ZNF521: variants seen among roughly 807,000 people sequenced by gnomAD.
ZNF521 encodes zinc finger protein 521.
Under a neutral mutation model 105.5 loss-of-function variants are expected in ZNF521, and 14 were observed. The ratio of observed to expected loss-of-function variants is 0.13; its 90% confidence interval spans 0.09 to 0.21. The LOEUF is 0.21. ZNF521 is among the 10% of genes least tolerant of loss of function. The pLI is 1.00. For synonymous variants in ZNF521, 635 were observed against 606.0 expected (o/e 1.05, Z -0.70); for missense variants, 1,233 against 1,629.7 (o/e 0.76, Z 4.19).
At position 25,077,369 on chromosome 18, in the gene ZNF521, G is replaced by T. The variant is rs1005596450; in HGVS notation, c.3906+12096C>A. Among the ~76,000 whole-genome samples the T allele has an allele frequency of 3.3e-5, 5 of 152,324 alleles. No individual in the cohort carries two copies. In the South Asian group the frequency reaches 1.0e-3, roughly 32 times the overall value. On this transcript the variant is annotated intron_variant, in intron 7 of 7. Coordinates refer to ENST00000361524, the MANE Select transcript of ZNF521 (RefSeq NM_015461.3). ...GTGCTCTGCTACAAAGTCCAGGCCA[G>T]ACTGTCTCCTGTATTCCTTATAAAC...
rs765670116 is a variant in ZNF521 at position 25,322,130 on chromosome 18, T to A, written c.98A>T (p.Lys33Met). The A allele has an allele frequency of 2.5e-6, 4 of 1,614,250 alleles. No individual in the cohort carries two copies. The highest frequency in any genetic ancestry group is 3.4e-6 in the Non-Finnish European group (4 of 1,180,040). Residue 33 changes from lysine to methionine, a missense_variant, in exon 3 of 8, where the codon AAG becomes ATG. Lys to Met is a moderately conservative substitution (Grantham distance 95). Coordinates refer to ENST00000361524, the MANE Select transcript of ZNF521 (RefSeq NM_015461.3). ...CAACTCCTCCCCGTCTTCCGGCCTCTTCTTACAATCTAGTGCCTCTCCATC... is the reference window on the plus strand; with the variant it reads ...CAACTCCTCCCCGTCTTCCGGCCTCATCTTACAATCTAGTGCCTCTCCATC... The part of the protein sequence containing the change: ...TEDGEALDCK[K>M]RPEDGEELED...
intron 2 of ZNF521, among the ~76,000 whole-genome samples, chr18:25,326,001 A>C (rs759989800): frequency 1.3e-5 from 2 of 152,176 alleles, no homozygotes; most frequent in Non-Finnish European, 2.9e-5. Context: ...GCACTGGCTT[A>C]AAAGTGTTGG....
At chr18:25,187,719 G>A (rs574355650) in intron 5 of ZNF521, among the ~76,000 whole-genome samples, 3 of 152,246 alleles carry the variant, frequency 2.0e-5, no homozygotes, top group South Asian at 2.1e-4. Flanking sequence ...TGAGGACTTC[G>A]CAGCCTCTGC....
At chr18:25,325,200 G>C (rs567072088) in intron 2 of ZNF521, among the ~76,000 whole-genome samples, 1 of 151,794 alleles carries the variant, frequency 6.6e-6, no homozygotes, top group Non-Finnish European at 1.5e-5. Flanking sequence ...ACTCTTTTTT[G>C]CCCATTCAAA....
intron 3 of ZNF521, among the ~76,000 whole-genome samples, chr18:25,283,069 C>A (rs1910480649): frequency 6.6e-6 from 1 of 152,216 alleles, no homozygotes; most frequent in African/African-American, 2.4e-5. Context: ...GTACCTCTTT[C>A]TGTGTAATGG....
chr18:25,129,981 C>T (rs1042330754), intron 5 of ZNF521, among the ~76,000 whole-genome samples: 7 of 152,100 alleles, frequency 4.6e-5, no homozygotes, highest in Non-Finnish European at 1.0e-4. Flanking sequence ...CAATTGAGCT[C>T]CTAGGTATTT....
At chr18:25,079,199 A>C (rs2033434551) in intron 7 of ZNF521, among the ~76,000 whole-genome samples, 1 of 152,354 alleles carries the variant, frequency 6.6e-6, no homozygotes, top group East Asian at 1.9e-4. Context: ...TGGTTGGCCC[A>C]GGCCAATGGA....
intron 3 of ZNF521, among the ~76,000 whole-genome samples, chr18:25,262,035 C>T (rs977606796): frequency 6.6e-6 from 1 of 152,116 alleles, no homozygotes; most frequent in Non-Finnish European, 1.5e-5. Flanking sequence ...GAGACAGTAG[C>T]ACAATGGACA....
intron 7 of ZNF521, among the ~76,000 whole-genome samples, chr18:25,068,898 T>C (rs2033144320): frequency 6.6e-6 from 1 of 152,230 alleles, no homozygotes; most frequent in Non-Finnish European, 1.5e-5. Context: ...ACTCCTTGGA[T>C]ATAATGTAGG....
At chr18:25,202,255 C>T (rs1181794083) in intron 4 of ZNF521, 1 of 152,070 alleles carries the variant, frequency 6.6e-6, no homozygotes, top group African/African-American at 2.4e-5. Flanking sequence ...CTGCAATCAA[C>T]CTCTGGTTGA....
Position 25,322,206 on chromosome 18 carries a change from G to GTT in ZNF521, c.41-20_41-19insAA. 1 of 1,611,408 alleles carries GTT rather than the reference G, an allele frequency of 6.2e-7. No individual in the cohort carries two copies. Among genetic ancestry groups the GTT allele is most frequent in the African/African-American group, 1.3e-5 (1 of 74,950 alleles). On this transcript the variant is annotated intron_variant, in intron 2 of 7. Coordinates refer to ENST00000361524, the MANE Select transcript of ZNF521 (RefSeq NM_015461.3). ...TTGGGGTCTGAAAAATATCAACACT[G>GTT]TAAGTATGGGGTTTAAAGACAGGTT...
intron 4 of ZNF521, among the ~76,000 whole-genome samples, chr18:25,203,742 G>GA (rs2036031968): frequency 6.6e-6 from 1 of 151,978 alleles, no homozygotes; most frequent in Non-Finnish European, 1.5e-5. Flanking sequence ...GAAGAGAAAA[G>GA]AAAAAACCTA....
intron 7 of ZNF521, among the ~76,000 whole-genome samples, chr18:25,064,114 TG>T: frequency 6.6e-6 from 1 of 152,370 alleles, no homozygotes; most frequent in East Asian, 1.9e-4. Context: ...AAAGAGGGTT[TG>T]GCTATCTCAG....
intron 5 of ZNF521, among the ~76,000 whole-genome samples, chr18:25,164,619 G>A (rs895311016): frequency 3.9e-5 from 6 of 152,062 alleles, no homozygotes; most frequent in African/African-American, 7.2e-5. Context: ...TTTTGCCCTC[G>A]CTCTGGGACT....
chr18:25,252,336 T>C (rs1908178411), intron 3 of ZNF521, among the ~76,000 whole-genome samples: 1 of 152,174 alleles, frequency 6.6e-6, no homozygotes, highest in Non-Finnish European at 1.5e-5. Context: ...ACCAATTAAC[T>C]TCATTAGCTT....
At chr18:25,071,385 A>C (rs1020082303) in intron 7 of ZNF521, among the ~76,000 whole-genome samples, 1 of 152,218 alleles carries the variant, frequency 6.6e-6, no homozygotes, top group Non-Finnish European at 1.5e-5. Context: ...ATTGATGAAC[A>C]AAGATGGTAC....
intron 5 of ZNF521, among the ~76,000 whole-genome samples, chr18:25,161,731 G>A (rs763006067): frequency 2.0e-5 from 3 of 152,194 alleles, no homozygotes; most frequent in Admixed American, 6.5e-5. Context: ...GGTCATTTGA[G>A]TTAATGCAAG....
intron 3 of ZNF521, among the ~76,000 whole-genome samples, chr18:25,318,140 A>AAG (rs1912741912): frequency 6.6e-6 from 1 of 152,218 alleles, no homozygotes; most frequent in Non-Finnish European, 1.5e-5. Flanking sequence ...GCAATAAAAA[A>AAG]CACACTACTT....
intron 2 of ZNF521, among the ~76,000 whole-genome samples, chr18:25,347,172 A>G (rs1914499140): frequency 6.6e-6 from 1 of 152,212 alleles, no homozygotes; most frequent in Non-Finnish European, 1.5e-5. Flanking sequence ...AACTATTTTG[A>G]GTCAGGTAAT....
Sources: allele counts gnomAD v4.1 joint callset (sites outside exome capture counted in the v4.1 genomes callset), GRCh38; gene constraint gnomAD v4.1.1; transcripts MANE v1.5; gene names NCBI Gene and HGNC (gene_info 2026-07-23, HGNC 2026-07-21).